Variants in PAPPA observed in about 807,000 individuals in gnomAD.
The protein encoded by PAPPA is pappalysin 1.
Under a neutral mutation model 164.0 loss-of-function variants are expected in PAPPA, and 60 were observed. The observed-to-expected ratio is 0.37, with a 90% CI of 0.30 to 0.45. The LOEUF is 0.45. PAPPA is among the 20% of genes least tolerant of loss of function. PAPPA has a pLI of 1.00. For synonymous variants in PAPPA, 875 were observed against 814.1 expected, an observed-to-expected ratio of 1.07 and a Z score of -1.27; for missense variants, 1,782 against 2,087.3, an observed-to-expected ratio of 0.85 and a Z score of 2.85.
chr9:116,171,127 T>C (rs1843771262), intron 1 of PAPPA, among the ~76,000 whole-genome samples: 2 of 152,060 alleles, frequency 1.3e-5, no homozygotes. Context: ...GGAAAAACAA[T>C]AGGAAGTTTG....
chr9:116,304,771 A>G (rs1008313011), intron 10 of PAPPA, among the ~76,000 whole-genome samples: 5 of 152,192 alleles, frequency 3.3e-5, no homozygotes, highest in African/African-American at 9.7e-5. Context: ...TTCGATCTAC[A>G]AAGAGGAGAT....
intron 18 of PAPPA, among the ~76,000 whole-genome samples, chr9:116,367,005 T>C (rs1846509702): frequency 6.6e-6 from 1 of 152,192 alleles, no homozygotes; most frequent in Admixed American, 6.5e-5. Flanking sequence ...CACTGAGCTC[T>C]ACCTGGGTGT....
chr9:116,308,553 C>A (rs1423157818), intron 10 of PAPPA, among the ~76,000 whole-genome samples: 1 of 152,188 alleles, frequency 6.6e-6, no homozygotes, highest in African/African-American at 2.4e-5. Flanking sequence ...GGGGCAGAAC[C>A]AAGATGCAGG....
chr9:116,298,072 G>A (rs183276578), intron 9 of PAPPA, among the ~76,000 whole-genome samples: 55 of 152,314 alleles, frequency 3.6e-4, no homozygotes, highest in African/African-American at 1.2e-3. Context: ...TCTAACCTGA[G>A]CCTTTGCTTC....
In PAPPA at chr9:116,247,030, T is replaced by TA. The variant is rs967329443; in HGVS notation, c.2732+11401dup. Among the ~76,000 whole-genome samples the TA allele has an allele frequency of 3.3e-4, 50 of 150,532 alleles. 1 individual carries two copies. The highest frequency in any genetic ancestry group is 1.1e-3 in the African/African-American group (46 of 40,846). ...CAGAGTGAGACCCTGTCTCCAAGAA[T>TA]AAAAAAAAGAGAGAGAGAAAATAAA... On this transcript the variant is annotated intron_variant, in intron 7 of 21. Transcript: ENST00000328252.
At chr9:116,372,612 A>G (rs1307245279) in intron 19 of PAPPA, among the ~76,000 whole-genome samples, 2 of 152,094 alleles carry the variant, frequency 1.3e-5, no homozygotes, top group Non-Finnish European at 2.9e-5. Context: ...TTGCCCAGGG[A>G]TGCTGAGAGT....
At chr9:116,373,658 T>C (rs1223423954) in intron 19 of PAPPA, 1 of 152,052 alleles carries the variant, frequency 6.6e-6, no homozygotes, top group African/African-American at 2.4e-5. Flanking sequence ...AACATTTGTC[T>C]CAAAGGGCCT....
At chr9:116,208,141 T>A (rs892392071) in intron 3 of PAPPA, among the ~76,000 whole-genome samples, 2 of 152,128 alleles carry the variant, frequency 1.3e-5, no homozygotes, top group South Asian at 2.1e-4. Flanking sequence ...ATTATACATA[T>A]CCATAAACAA....
Position 116,187,070 on chromosome 9 carries a change from C to G in PAPPA, c.416-84C>G, listed in dbSNP as rs895581955. The G allele has an allele frequency of 4.0e-5, 40 of 1,009,808 alleles. No homozygotes were observed. The East Asian group carries it at 9.5e-4, about 24-fold the overall frequency. The allele number at this position is 1,009,808 out of a possible 1,614,324, so 62.6% of individuals were successfully genotyped here. On this transcript the variant is annotated intron_variant, in intron 1 of 21. Transcript: ENST00000328252. This position sits in a 1 kb window ranked among gnomAD's most constrained non-coding sequence, Gnocchi z 4.2. ...GCGATGAGTCTAGGATAACCTGATA[C>G]AAATTTTATTAGAGAAAAATAACTT...
chr9:116,313,578 G>A (rs1010915422), intron 10 of PAPPA, among the ~76,000 whole-genome samples: 12 of 152,196 alleles, frequency 7.9e-5, no homozygotes, highest in Admixed American at 4.6e-4. Flanking sequence ...GCACCAGGGA[G>A]CTACGGTCAG....
At chr9:116,302,717 A>C in intron 9 of PAPPA, 40 bp from the exon 10 acceptor site, 1 of 1,548,800 alleles carries the variant, frequency 6.5e-7, no homozygotes, top group Non-Finnish European at 8.8e-7. Flanking sequence ...AAGAACAAAT[A>C]TTTATTTATT....
chr9:116,345,315 T>C (rs1846192866), intron 14 of PAPPA, among the ~76,000 whole-genome samples: 1 of 151,830 alleles, frequency 6.6e-6, no homozygotes, highest in Non-Finnish European at 1.5e-5. Flanking sequence ...GGGAGGTGCC[T>C]TGGAAAAGTG....
Position 116,372,378 on chromosome 9 carries a change from A to G in PAPPA, c.4605+4624A>G, listed in dbSNP as rs550096753. 3.3e-5 allele frequency among the ~76,000 whole-genome samples: 5 copies of G among 152,326 alleles called. No homozygotes were observed. In the South Asian group the frequency reaches 1.0e-3, roughly 32 times the overall value. The stretch of plus-strand genomic sequence containing the variant: ...AGAAATCTGGAGTTCTTAAAATTTG[A>G]AATCTCTTTCTTTTTTTAAAAAGTT... On this transcript the variant is annotated intron_variant, in intron 19 of 21. Coordinates refer to ENST00000328252, the MANE Select transcript of PAPPA (RefSeq NM_002581.5).
chr9:116,374,248 G>A (rs1846620708), intron 19 of PAPPA, among the ~76,000 whole-genome samples: 1 of 151,984 alleles, frequency 6.6e-6, no homozygotes, highest in Non-Finnish European at 1.5e-5. Flanking sequence ...GATGGTAATT[G>A]CAACCAGGAA....
chr9:116,380,512 A>G (rs1846716924), intron 20 of PAPPA, among the ~76,000 whole-genome samples: 1 of 152,214 alleles, frequency 6.6e-6, no homozygotes, highest in African/African-American at 2.4e-5. Context: ...ATTAGTCTCC[A>G]TCATTATTCT....
intron 13 of PAPPA, among the ~76,000 whole-genome samples, chr9:116,340,625 G>T (rs1276270699): frequency 1.3e-5 from 2 of 152,136 alleles, no homozygotes; most frequent in African/African-American, 2.4e-5. Flanking sequence ...TGCAGGCCAG[G>T]TGCAGACAGA....
intron 1 of PAPPA, among the ~76,000 whole-genome samples, chr9:116,170,470 T>A (rs553753602): frequency 3.8e-4 from 58 of 152,274 alleles, no homozygotes; most frequent in African/African-American, 1.3e-3. Context: ...TGGTCTGAAG[T>A]GGTCCTGCCC....
chr9:116,231,750 C>CTTTTCTTTTCT (rs1361750032), intron 6 of PAPPA, among the ~76,000 whole-genome samples: 1 of 29,266 alleles, frequency 3.4e-5, no homozygotes, highest in African/African-American at 1.4e-4. Flanking sequence ...AGTGGTTTTT[C>CTTTTCTTTTCT]TTTTCTTTTC....
At chr9:116,179,309 A>G (rs1175411863) in intron 1 of PAPPA, among the ~76,000 whole-genome samples, 1 of 152,198 alleles carries the variant, frequency 6.6e-6, no homozygotes, top group Non-Finnish European at 1.5e-5. Context: ...CACAGGTGCC[A>G]TCAAGGGTGT....
Sources: allele counts gnomAD v4.1 joint callset (sites outside exome capture counted in the v4.1 genomes callset), GRCh38; gene constraint gnomAD v4.1.1; non-coding constraint Gnocchi (gnomAD v3.1); transcripts MANE v1.5; gene names NCBI Gene and HGNC (gene_info 2026-07-23, HGNC 2026-07-21).